Variants in CHFR observed in about 807,000 individuals in gnomAD.
The protein encoded by CHFR is E3 ubiquitin-protein ligase CHFR.
Under a neutral mutation model 87.6 loss-of-function variants are expected in CHFR, and 57 were observed. The ratio of observed to expected loss-of-function variants is 0.65; its 90% CI spans 0.53 to 0.81. CHFR has a LOEUF of 0.81. Ranked by LOEUF, CHFR falls within the 30% of genes least tolerant of loss-of-function variation. The pLI is 0.00. For synonymous variants in CHFR, 381 were observed against 359.2 expected (o/e 1.06, Z -0.69); for missense variants, 797 against 865.8 (o/e 0.92, Z 1.00).
At chr12:132,866,654 G>C (rs549415294) in intron 6 of CHFR, 1 of 149,954 alleles carries the variant, frequency 6.7e-6, no homozygotes, top group Admixed American at 6.6e-5. Flanking sequence ...ACAACACACC[G>C]GAATGTTACA....
chr12:132,865,972 T>C (rs1472664229), intron 6 of CHFR: 1 of 152,214 alleles, frequency 6.6e-6, no homozygotes, highest in African/African-American at 2.4e-5. Flanking sequence ...CTGTGCCCAG[T>C]GCTGAGATGC....
Position 132,859,182 on chromosome 12 carries a change from C to A in CHFR, c.797G>T (p.Arg266Leu). 1 of 1,613,968 alleles carries A rather than the reference C, an allele frequency of 6.2e-7. No individual in the cohort carries two copies. Among genetic ancestry groups the A allele is most frequent in the Non-Finnish European group, 8.5e-7 (1 of 1,179,948 alleles). The stretch of plus-strand genomic sequence containing the variant: ...CTCGTGGACGGTTTGGGCATTTCTA[C>A]GCGGTTGTGCGACCAACAACTGCCC... ...LNGQLLVAQP[R>L]RNAQTVHEDV... Residue 266 changes from arginine to leucine, a missense_variant, in exon 8 of 18, where the codon CGT becomes CTT. Coordinates refer to ENST00000450056, the MANE Select transcript of CHFR (RefSeq NM_001161346.2).
At chr12:132,883,339 T>C (rs562431306) in intron 2 of CHFR, among the ~76,000 whole-genome samples, 3 of 148,838 alleles carry the variant, frequency 2.0e-5, no homozygotes, top group South Asian at 2.1e-4. Context: ...GGAAGGAGAA[T>C]CACTTGAACC....
chr12:132,876,275 G>A (rs574096035), intron 3 of CHFR, among the ~76,000 whole-genome samples: 3 of 152,108 alleles, frequency 2.0e-5, no homozygotes, highest in South Asian at 2.1e-4. Context: ...CATTTTTAAC[G>A]TATGAATAGG....
intron 3 of CHFR, among the ~76,000 whole-genome samples, chr12:132,876,305 T>C (rs1303556285): frequency 6.6e-6 from 1 of 152,232 alleles, no homozygotes; most frequent in Non-Finnish European, 1.5e-5. Context: ...AGCTTTCCAC[T>C]TTCCAAGTTG....
chr12:132,875,382 T>G (rs11147134), intron 3 of CHFR, among the ~76,000 whole-genome samples: 22,854 of 152,122 alleles, frequency 0.15, 2,249 homozygotes, highest in Admixed American at 0.21. Context: ...GGGCTCACAC[T>G]TGCAATCCCA....
Position 132,853,537 on chromosome 12 carries a change from G to A in CHFR, c.1266C>T (p.Tyr422=), listed in dbSNP as rs1192492326. The change falls in exon 11 of 18, where the codon TAC becomes TAT. Residue 422 remains tyrosine, a synonymous_variant. Coordinates refer to ENST00000450056, the MANE Select transcript of CHFR (RefSeq NM_001161346.2). ...GGGGAGGCTGCGCCGCCTGCCTTCT[G>A]TACTCAGGACACTGCCGGCACACGA... The part of the protein sequence containing the change: ...PYVVCRQCPE[Y]RRQAAQPPHC... The A allele has an allele frequency of 6.5e-7, 1 of 1,533,412 alleles. No homozygotes were observed. Among genetic ancestry groups the A allele is most frequent in the Non-Finnish European group, 8.8e-7 (1 of 1,142,260 alleles). The allele number at this position is 1,533,412 out of a possible 1,614,324, so 95.0% of individuals were successfully genotyped here. A position where few individuals can be genotyped will look rare whatever the true frequency, so the allele number is the denominator to read the frequency against.
At chr12:132,876,849 C>A (rs747008143) in intron 3 of CHFR, among the ~76,000 whole-genome samples, 1 of 152,220 alleles carries the variant, frequency 6.6e-6, no homozygotes, top group African/African-American at 2.4e-5. Flanking sequence ...GGCTGGAGTG[C>A]AGTGGTGCCA....
intron 17 of CHFR, 56 bp from the exon 18 acceptor site, chr12:132,841,652 A>G: frequency 7.1e-7 from 1 of 1,400,132 alleles, no homozygotes; most frequent in Non-Finnish European, 1.0e-6. Context: ...GCAATCAAAT[A>G]AATTACACAA....
In CHFR at chr12:132,877,622, C is replaced by G. The variant is rs1951658327; in HGVS notation, c.166G>C (p.Val56Leu). ...CDLSFPSNKL[V>L]SGDHCRIVVD... ...ACAATTCTACAGTGATCTCCAGAGA[C>G]CAGTTTATTGCTGGGGAAGGAAAGG... Residue 56 changes from valine (V) to leucine (L), a missense_variant, in exon 3 of 18, where the codon GTC becomes CTC. Val to Leu is a conservative substitution (Grantham distance 32). Transcript: ENST00000450056. The G allele has an allele frequency of 6.2e-7, 1 of 1,613,422 alleles. No individual in the cohort carries two copies. The highest frequency in any genetic ancestry group is 1.3e-5 in the African/African-American group (1 of 74,834).
At chr12:132,868,257 C>T (rs1485596543) in intron 6 of CHFR, among the ~76,000 whole-genome samples, 2 of 152,156 alleles carry the variant, frequency 1.3e-5, no homozygotes, top group South Asian at 2.1e-4. Context: ...TTTGGGAGGC[C>T]GATCGGACAG....
At chr12:132,842,791 G>T (rs1312722509) in intron 17 of CHFR, among the ~76,000 whole-genome samples, 1 of 152,198 alleles carries the variant, frequency 6.6e-6, no homozygotes, top group Non-Finnish European at 1.5e-5. Flanking sequence ...TCAGACAACA[G>T]ATAAAGCTAC....
intron 3 of CHFR, among the ~76,000 whole-genome samples, chr12:132,874,900 C>T (rs1436629414): frequency 6.6e-6 from 1 of 151,772 alleles, no homozygotes; most frequent in Non-Finnish European, 1.5e-5. Context: ...CAGCACCCAG[C>T]GCGGGGAAGC....
intron 6 of CHFR, among the ~76,000 whole-genome samples, chr12:132,863,277 G>C (rs1201981895): frequency 6.6e-6 from 1 of 151,338 alleles, no homozygotes; most frequent in African/African-American, 2.4e-5. Flanking sequence ...GGAGGCCAAG[G>C]TGGGTGGATC....
At chr12:132,859,937 C>A (rs1452673686) in intron 7 of CHFR, among the ~76,000 whole-genome samples, 1 of 151,896 alleles carries the variant, frequency 6.6e-6, no homozygotes, top group African/African-American at 2.4e-5. Flanking sequence ...CTCAGCTACT[C>A]GGAAGGCTGA....
chr12:132,877,675 C>A, intron 2 of CHFR, 21 bp from the exon 3 acceptor site: 1 of 1,528,798 alleles, frequency 6.5e-7, no homozygotes, highest in South Asian at 1.1e-5. Flanking sequence ...GAGGGTGGGT[C>A]AACACGGGAT....
chr12:132,872,958 G>A (rs1566199256), intron 3 of CHFR, among the ~76,000 whole-genome samples: 1 of 152,186 alleles, frequency 6.6e-6, no homozygotes, highest in Non-Finnish European at 1.5e-5. Flanking sequence ...TGCAGATGCT[G>A]CTGACCCAGG....
intron 11 of CHFR, among the ~76,000 whole-genome samples, chr12:132,852,970 T>C (rs1950979466): frequency 6.6e-6 from 1 of 152,180 alleles, no homozygotes; most frequent in Non-Finnish European, 1.5e-5. Flanking sequence ...TGGAGCCCCT[T>C]GCTGGAAAAA....
chr12:132,865,145 G>A (rs192688176), intron 6 of CHFR, among the ~76,000 whole-genome samples: 2 of 152,292 alleles, frequency 1.3e-5, no homozygotes, highest in African/African-American at 4.8e-5. Context: ...TGTGGGCCAC[G>A]CTGGAGCGGC....
Sources: allele counts gnomAD v4.1 joint callset (sites outside exome capture counted in the v4.1 genomes callset), GRCh38; gene constraint gnomAD v4.1.1; transcripts MANE v1.5; gene names NCBI Gene and HGNC (gene_info 2026-07-23, HGNC 2026-07-21).